Variants in MYO7B observed in about 807,000 individuals in gnomAD.
MYO7B encodes unconventional myosin-VIIb.
A neutral mutation model predicts 259.7 loss-of-function variants in MYO7B; 212 were observed. The observed-to-expected ratio is 0.82, with a 90% CI of 0.73 to 0.91. The LOEUF (loss-of-function observed/expected upper bound fraction) is 0.91, where lower values mean the gene tolerates loss of function less well. Ranked by LOEUF, MYO7B falls within the 40% of genes least tolerant of loss-of-function variation. The pLI is 0.00. For synonymous variants in MYO7B, 1,197 were observed against 1,166.4 expected (o/e 1.03, Z -0.54); for missense variants, 2,732 against 2,813.5 (o/e 0.97, Z 0.66).
chr2:127,566,262 T>C (rs1335537905), intron 4 of MYO7B, among the ~76,000 whole-genome samples: 1 of 152,166 alleles, frequency 6.6e-6, no homozygotes, highest in Non-Finnish European at 1.5e-5. Context: ...AATTTGGGGT[T>C]GGGGTCCGTG....
At chr2:127,567,018 G>A (rs1422769747) in intron 5 of MYO7B, among the ~76,000 whole-genome samples, 191 bp downstream of exon 5, 1 of 152,180 alleles carries the variant, frequency 6.6e-6, no homozygotes, top group Non-Finnish European at 1.5e-5. Flanking sequence ...TCAGAACCTA[G>A]GCTTTCATCG....
At chr2:127,574,307 G>T (rs574213103) in intron 7 of MYO7B, among the ~76,000 whole-genome samples, 8 of 152,296 alleles carry the variant, frequency 5.3e-5, no homozygotes, top group African/African-American at 1.9e-4. Context: ...AGGCCAAAGC[G>T]GGTGGGTTAC....
At chr2:127,633,192 C>CGGGGCT (rs1681614582) in intron 39 of MYO7B, 66 bp from the exon 40 acceptor site, 3 of 1,281,394 alleles carry the variant, frequency 2.3e-6, no homozygotes, top group Non-Finnish European at 3.3e-6. Context: ...GGGCCCACAT[C>CGGGGCT]GGGGCTGGGG....
chr2:127,565,969 C>G (rs1223473714), intron 4 of MYO7B, among the ~76,000 whole-genome samples: 3 of 152,264 alleles, frequency 2.0e-5, no homozygotes. Flanking sequence ...CTGGGCCTCT[C>G]TGGTCTGGAG....
rs754208184 is a variant in MYO7B, at chr2:127,636,497, G to T, written c.6124-48G>T. 1 of 1,566,750 alleles carries T rather than the reference G, an allele frequency of 6.4e-7. No individual in the cohort carries two copies. The highest frequency in any genetic ancestry group is 8.7e-7 in the Non-Finnish European group (1 of 1,150,026). On this transcript the variant is annotated intron_variant, in intron 45 of 47. Transcript: ENST00000409816. This position sits in a 1 kb window ranked among gnomAD's most constrained non-coding sequence, Gnocchi z 4.5. ...CCTAGATGAGCTCCTGGGAGGTGCAGCCTGGCCTCCCGGGCTGGACTATGA... is the reference window on the plus strand; with the variant it reads ...CCTAGATGAGCTCCTGGGAGGTGCATCCTGGCCTCCCGGGCTGGACTATGA...
At position 127,537,944 on chromosome 2, in the gene MYO7B, C is replaced by T. The variant is rs531476437; in HGVS notation, c.-24+2113C>T. 4.6e-5 allele frequency among the ~76,000 whole-genome samples: 7 copies of T among 152,338 alleles called. No individual in the cohort carries two copies. The South Asian group carries it at 1.4e-3, about 32-fold the overall frequency. ...TTTTCAAATCCAGTGTCATTGTAGA[C>T]TCTGTTGTCTGCCTTTCCAGCAGTG... On this transcript the variant is annotated intron_variant, in intron 1 of 47. Transcript: ENST00000409816.
intron 38 of MYO7B, 46 bp downstream of exon 38, chr2:127,631,799 A>T (rs1018681473): frequency 1.3e-6 from 2 of 1,593,114 alleles, no homozygotes; most frequent in Non-Finnish European, 8.6e-7. Context: ...CTCAGTCCTC[A>T]TCCCGGCCCC....
chr2:127,629,519 TG>T, intron 34 of MYO7B, 125 bp from the exon 35 acceptor site: 1 of 911,848 alleles, frequency 1.1e-6, no homozygotes. Context: ...CGCTCACTCT[TG>T]GAGTGGTCTT....
chr2:127,541,337 C>T (rs1305773700), intron 1 of MYO7B, among the ~76,000 whole-genome samples: 18 of 152,240 alleles, frequency 1.2e-4, no homozygotes, highest in Admixed American at 6.5e-5. Context: ...CTCTCCTATG[C>T]TGTCTCCAGA....
chr2:127,542,156 G>C (rs550810392), intron 1 of MYO7B, among the ~76,000 whole-genome samples: 17 of 152,322 alleles, frequency 1.1e-4, no homozygotes, highest in African/African-American at 4.1e-4. Flanking sequence ...TGCTATTCAT[G>C]GGAAGGGTAT....
intron 21 of MYO7B, among the ~76,000 whole-genome samples, chr2:127,608,044 G>T (rs1191927654): frequency 6.6e-6 from 1 of 152,154 alleles, no homozygotes; most frequent in Non-Finnish European, 1.5e-5. Context: ...ACTGAGCAGG[G>T]GGACAGCACC....
In MYO7B at chr2:127,576,509, C is replaced by A; in HGVS notation, c.736-86C>A. On this transcript the variant is annotated intron_variant, in intron 7 of 47. Coordinates refer to ENST00000409816, the MANE Select transcript of MYO7B (RefSeq NM_001393586.1). The surrounding 1 kb of genome is among the most constrained non-coding windows in gnomAD (Gnocchi z 4.9). ...GAGAGATGTGGAGCGGAGGCCAGGG[C>A]TGGGCTGGGCAGAGGCAGTCTGAGG... 1 of 786,850 alleles carries A rather than the reference C, an allele frequency of 1.3e-6. No individual in the cohort carries two copies. Among genetic ancestry groups the A allele is most frequent in the Non-Finnish European group, 2.0e-6 (1 of 507,280 alleles). 48.7% of individuals were successfully genotyped at this position (786,850 alleles called of 1,614,324 possible).
chr2:127,574,168 T>G, intron 7 of MYO7B, 106 bp downstream of exon 7: 13 of 1,397,210 alleles, frequency 9.3e-6, no homozygotes, highest in Admixed American at 1.9e-5. Flanking sequence ...CCAAGGGCCC[T>G]CCCAGAACCC....
chr2:127,573,444 G>A (rs1033732697), intron 6 of MYO7B, among the ~76,000 whole-genome samples: 2 of 152,192 alleles, frequency 1.3e-5, no homozygotes, highest in African/African-American at 4.8e-5. Context: ...TGGACACGCT[G>A]TTGGCACTCC....
In MYO7B at chr2:127,631,317, C is replaced by A; in HGVS notation, c.5049C>A (p.Val1683=). 6.2e-7 allele frequency: 1 copy of A among 1,612,204 alleles called. No individual in the cohort carries two copies. Among genetic ancestry groups the A allele is most frequent in the Non-Finnish European group, 8.5e-7 (1 of 1,179,234 alleles). The part of the protein sequence containing the change: ...EPLRQPLLKR[V]HANVDLWDIA... The stretch of plus-strand genomic sequence containing the variant: ...TGCGACAGCCGCTGCTCAAGCGAGT[C>A]CACGCCAACGTCGACCTCTGGGACA... The change falls in exon 37 of 48, where the codon GTC becomes GTA. Residue 1683 remains valine (V), a synonymous_variant. Coordinates refer to ENST00000409816, the MANE Select transcript of MYO7B (RefSeq NM_001393586.1).
chr2:127,578,223 G>T lies in MYO7B; in HGVS notation c.940G>T (p.Glu314Ter). The change falls in exon 9 of 48, where the codon GAG becomes TAG. Residue 314 changes from glutamate to a stop codon, truncating the protein, a stop_gained. Coordinates refer to ENST00000409816, the MANE Select transcript of MYO7B (RefSeq NM_001393586.1). LOFTEE classifies it high-confidence loss of function. ...GAAGATCCTCCAGTTCTCCGACTCC[G>T]AGAGCTGGGACGTCATCAAGCTGCT... The part of the protein sequence containing the change: ...AMKILQFSDS[E>*]SWDVIKLLAA... 6.2e-7 allele frequency: 1 copy of T among 1,613,766 alleles called. No individual in the cohort carries two copies.
intron 7 of MYO7B, 66 bp downstream of exon 7, chr2:127,574,128 T>G (rs2104907383): frequency 8.1e-5 from 124 of 1,526,590 alleles, no homozygotes; most frequent in Non-Finnish European, 8.6e-5. Flanking sequence ...AGGGGCCCCT[T>G]TCCCACTCTC....
chr2:127,633,279 C>T lies in MYO7B; in HGVS notation c.5427C>T (p.Pro1809=), dbSNP rs1352708687. Residue 1809 remains proline (P), a synonymous_variant, in exon 40 of 48, where the codon CCC becomes CCT. Coordinates refer to ENST00000409816, the MANE Select transcript of MYO7B (RefSeq NM_001393586.1). ...KVLRTGPRKQ[P]PHQVEVEAAE... is the part of the protein sequence containing the mutation. Reference sequence around the variant, plus strand: ...TCAGGACGGGGCCCCGGAAGCAGCCCCCGCACCAGGTGGAGGTGGAGGCCG... The same window carrying T: ...TCAGGACGGGGCCCCGGAAGCAGCCTCCGCACCAGGTGGAGGTGGAGGCCG... 3.7e-6 allele frequency: 6 copies of T among 1,611,990 alleles called. No homozygotes were observed. Among genetic ancestry groups the T allele is most frequent in the Non-Finnish European group, 5.1e-6 (6 of 1,179,620 alleles).
In MYO7B at chr2:127,637,621, C is replaced by T. The variant is rs368865730; in HGVS notation, c.*204C>T. ...CCAAAAGACGGGCCCAGAATGGGGTCGGGAGTCTCGGACCCCCAGGCTATT... is the reference window on the plus strand; with the variant it reads ...CCAAAAGACGGGCCCAGAATGGGGTTGGGAGTCTCGGACCCCCAGGCTATT... On this transcript the variant is annotated 3_prime_UTR_variant, in exon 48 of 48. Coordinates refer to ENST00000409816, the MANE Select transcript of MYO7B (RefSeq NM_001393586.1). The T allele has an allele frequency of 2.8e-5, 13 of 467,610 alleles. 1 individual carries two copies. The highest frequency in any genetic ancestry group is 2.0e-4 in the African/African-American group (10 of 51,072). 29.0% of individuals were successfully genotyped at this position (467,610 alleles called of 1,614,324 possible). A position where few individuals can be genotyped will look rare whatever the true frequency, so the allele number is the denominator to read the frequency against.
Sources: gnomAD v4.1 joint callset for allele counts (sites outside exome capture counted in the v4.1 genomes callset) on GRCh38, gnomAD v4.1.1 for gene constraint, Gnocchi (gnomAD v3.1) non-coding constraint, MANE v1.5 for transcripts, NCBI Gene and HGNC (gene_info 2026-07-23, HGNC 2026-07-21) for gene names.